PARD3: variants seen among roughly 807,000 people sequenced by gnomAD.
The protein encoded by PARD3 is par-3 family cell polarity regulator.
In PARD3, 75 loss-of-function variants were observed where a neutral mutation model predicts 155.4. The observed-to-expected ratio is 0.48, with a 90% CI of 0.40 to 0.58. PARD3 has a LOEUF of 0.58. Among genes scored for constraint, PARD3 ranks in the 20% least tolerant of loss-of-function variants. The probability of loss-of-function intolerance (pLI) is 0.00; values close to 1 mark genes in which losing one functional copy is unlikely to be tolerated. For synonymous variants in PARD3, 576 were observed against 610.5 expected (o/e 0.94, Z 0.83); for missense variants, 1,642 against 1,721.7 (o/e 0.95, Z 0.82).
chr10:34,352,573 C>G (rs1421957037), intron 14 of PARD3, among the ~76,000 whole-genome samples: 1 of 152,246 alleles, frequency 6.6e-6, no homozygotes, highest in Non-Finnish European at 1.5e-5. Flanking sequence ...TCTCCAGCTC[C>G]TGACCGCGAG....
chr10:34,605,254 G>A (rs1268083442), intron 2 of PARD3, among the ~76,000 whole-genome samples: 1 of 123,126 alleles, frequency 8.1e-6, no homozygotes, highest in Non-Finnish European at 1.6e-5. Context: ...GTGCAGTGGT[G>A]CAATCTCAGC....
At chr10:34,509,520 G>C (rs942215907) in intron 3 of PARD3, among the ~76,000 whole-genome samples, 20 of 152,042 alleles carry the variant, frequency 1.3e-4, no homozygotes, top group African/African-American at 4.8e-4. Flanking sequence ...TAGAGTCAAA[G>C]AAAATGTTTT....
chr10:34,274,332 T>C (rs1248099392), intron 21 of PARD3, among the ~76,000 whole-genome samples: 1 of 152,218 alleles, frequency 6.6e-6, no homozygotes, highest in Non-Finnish European at 1.5e-5. Context: ...TTATAAAAGC[T>C]GGTTACCACT....
chr10:34,252,187 G>A (rs1366654605), intron 22 of PARD3, among the ~76,000 whole-genome samples: 3 of 152,132 alleles, frequency 2.0e-5, no homozygotes, highest in Non-Finnish European at 4.4e-5. Context: ...CAGTCACTGC[G>A]TGGTGGTGCT....
chr10:34,375,435 AT>A (rs1841131440), intron 10 of PARD3, among the ~76,000 whole-genome samples: 1 of 152,182 alleles, frequency 6.6e-6, no homozygotes, highest in African/African-American at 2.4e-5. Context: ...CACACCAAAA[AT>A]ATTTTGGTAC....
At chr10:34,640,708 C>CAATAAAAAAA (rs2092646865) in intron 2 of PARD3, among the ~76,000 whole-genome samples, 1 of 24,020 alleles carries the variant, frequency 4.2e-5, no homozygotes, top group Non-Finnish European at 7.9e-5. Context: ...GACTCCATCT[C>CAATAAAAAAA]AAAAAAAAAA....
chr10:34,400,729 A>C (rs2132188799), intron 6 of PARD3, among the ~76,000 whole-genome samples: 1 of 152,314 alleles, frequency 6.6e-6, no homozygotes, highest in Non-Finnish European at 1.5e-5. Flanking sequence ...AGCAAATCAA[A>C]ATTGAAAATA....
intron 16 of PARD3, among the ~76,000 whole-genome samples, chr10:34,339,578 T>A (rs1836575378): frequency 6.6e-6 from 1 of 152,190 alleles, no homozygotes; most frequent in Non-Finnish European, 1.5e-5. Context: ...AGATTAGAAT[T>A]TTGCTGTTAT....
At chr10:34,501,654 G>A (rs1266226619) in intron 3 of PARD3, among the ~76,000 whole-genome samples, 1 of 151,952 alleles carries the variant, frequency 6.6e-6, no homozygotes, top group Non-Finnish European at 1.5e-5. Flanking sequence ...TTTGTAAAGT[G>A]CGTTATTTTC....
intron 1 of PARD3, among the ~76,000 whole-genome samples, chr10:34,797,422 A>G (rs4539260): frequency 0.78 from 119,041 of 152,236 alleles, 47,721 homozygotes; most frequent in African/African-American, 0.95. Flanking sequence ...AACGTGCTGG[A>G]ATTACAGGCG....
chr10:34,445,181 A>C (rs1382136975), intron 5 of PARD3, among the ~76,000 whole-genome samples: 1 of 152,238 alleles, frequency 6.6e-6, no homozygotes, highest in East Asian at 1.9e-4. Context: ...CAGGTCATTA[A>C]AGTCAGATGA....
At chr10:34,398,574 CA>C (rs1222414181) in intron 7 of PARD3, among the ~76,000 whole-genome samples, 1 of 152,196 alleles carries the variant, frequency 6.6e-6, no homozygotes, top group Non-Finnish European at 1.5e-5. Flanking sequence ...TAAACATGCA[CA>C]AGTTCAGACT....
At chr10:34,467,008 C>A (rs1206399322) in intron 4 of PARD3, among the ~76,000 whole-genome samples, 1 of 151,960 alleles carries the variant, frequency 6.6e-6, no homozygotes, top group African/African-American at 2.4e-5. Flanking sequence ...TAGATCAAGG[C>A]TTTTCCTATG....
chr10:34,318,159 C>T (rs1348053940), intron 19 of PARD3, among the ~76,000 whole-genome samples: 5 of 152,050 alleles, frequency 3.3e-5, no homozygotes, highest in Non-Finnish European at 5.9e-5. Context: ...ACTTCAATAC[C>T]CCAAACTTTT....
intron 19 of PARD3, among the ~76,000 whole-genome samples, chr10:34,318,736 T>A (rs1958175043): frequency 6.6e-6 from 1 of 151,930 alleles, no homozygotes. Context: ...CTATTTATCA[T>A]AATGCAAAAA....
chr10:34,759,788 AT>A (rs1221006587), intron 1 of PARD3, among the ~76,000 whole-genome samples: 10 of 152,216 alleles, frequency 6.6e-5, no homozygotes, highest in Admixed American at 6.5e-4. Context: ...CCACCATGGC[AT>A]TTCACAAGTC....
At chr10:34,594,264 A>T (rs987652927) in intron 2 of PARD3, among the ~76,000 whole-genome samples, 3 of 152,194 alleles carry the variant, frequency 2.0e-5, no homozygotes, top group African/African-American at 7.2e-5. Context: ...CAATTTGTAA[A>T]AACAATGTCT....
At chr10:34,496,587 G>T (rs2080305959) in intron 3 of PARD3, among the ~76,000 whole-genome samples, 1 of 152,186 alleles carries the variant, frequency 6.6e-6, no homozygotes, top group Non-Finnish European at 1.5e-5. Flanking sequence ...CGAGGTTATA[G>T]AACATGGTAG....
In PARD3 at chr10:34,444,918, C is replaced by T. The variant is rs553681040; in HGVS notation, c.714+5399G>A. 8.5e-5 allele frequency among the ~76,000 whole-genome samples: 13 copies of T among 152,070 alleles called. No individual in the cohort carries two copies. The East Asian group carries it at 2.1e-3, about 25-fold the overall frequency. On this transcript the variant is annotated intron_variant, in intron 5 of 24. Transcript: ENST00000374788. ...TCAGAAACAGATAATGAGAGATAAG[C>T]ATTAAGTAGAAAACAGAGCAAAAAC...
Sources: allele counts gnomAD v4.1 joint callset (sites outside exome capture counted in the v4.1 genomes callset), GRCh38; gene constraint gnomAD v4.1.1; transcripts MANE v1.5; gene names NCBI Gene and HGNC (gene_info 2026-07-23, HGNC 2026-07-21).